The following URB1 variants were observed in gnomAD, a reference collection of about 807,000 sequenced individuals.
URB1 encodes nucleolar pre-ribosomal-associated protein 1.
A neutral mutation model predicts 242.3 loss-of-function variants in URB1; 197 were observed. The observed-to-expected ratio is 0.81, with a 90% CI of 0.72 to 0.91. The LOEUF is 0.91. URB1 is among the 40% of genes least tolerant of loss of function. The pLI is 0.00. For missense variants in URB1, 2,721 were observed against 2,860.5 expected (o/e 0.95, Z 1.11); for synonymous variants, 1,153 against 1,201.8 (o/e 0.96, Z 0.84).
rs1362741411 is a variant in URB1 at position 32,311,617 on chromosome 21, C to T, written c.*3301G>A. The T allele has an allele frequency of 2.6e-6, 4 of 1,564,124 alleles. No individual in the cohort carries two copies. In the African/African-American group the frequency reaches 4.1e-5, roughly 16 times the overall value. ...ATGGCAGGTGTGGCAGGAAACCCCC[C>T]AGCCCCACAGTATGGACTGTTCTGC... On this transcript the variant is annotated 3_prime_UTR_variant, in exon 39 of 39. Coordinates refer to ENST00000382751, the MANE Select transcript of URB1 (RefSeq NM_014825.3).
chr21:32,362,398 GGTT>G (rs1263755072), intron 11 of URB1, among the ~76,000 whole-genome samples: 2 of 151,974 alleles, frequency 1.3e-5, no homozygotes, highest in Non-Finnish European at 2.9e-5. Flanking sequence ...GTAGAAGCAG[GGTT>G]TCACCATGTT....
intron 18 of URB1, 39 bp downstream of exon 18, chr21:32,353,894 G>C (rs2033187534): frequency 6.5e-7 from 1 of 1,544,398 alleles, no homozygotes; most frequent in East Asian, 2.4e-5. Context: ...AGACTAGCCG[G>C]CCAGGTGCAG....
intron 30 of URB1, among the ~76,000 whole-genome samples, chr21:32,326,421 C>A (rs2032830054): frequency 6.6e-6 from 1 of 152,152 alleles, no homozygotes; most frequent in Non-Finnish European, 1.5e-5. Context: ...GCATTTTAAG[C>A]AGGGACACAG....
In URB1 at chr21:32,321,723, C is replaced by A. The variant is rs984852389; in HGVS notation, c.5484+78G>T. ...GTCCAGGCTGGGAACTGAATTCATA[C>A]GGACTTGACTTCCAGATAAAATCTT... On this transcript the variant is annotated intron_variant, in intron 34 of 38. Transcript: ENST00000382751. The A allele has an allele frequency of 6.6e-6, 10 of 1,526,480 alleles. No homozygotes were observed. The South Asian group carries it at 7.4e-5, about 11-fold the overall frequency. The allele number at this position is 1,526,480 out of a possible 1,614,324, so 94.6% of individuals were successfully genotyped here.
At chr21:32,353,644 T>C (rs550579998) in intron 18 of URB1, among the ~76,000 whole-genome samples, 1 of 152,308 alleles carries the variant, frequency 6.6e-6, no homozygotes, top group South Asian at 2.1e-4. Flanking sequence ...CAAGAATAAA[T>C]GTTGACGAAA....
chr21:32,359,876 C>G lies in URB1; in HGVS notation c.1789G>C (p.Val597Leu). 2 of 1,548,104 alleles carry G rather than the reference C, an allele frequency of 1.3e-6. No individual in the cohort carries two copies. The highest frequency in any genetic ancestry group is 1.7e-6 in the Non-Finnish European group (2 of 1,145,696). Residue 597 changes from valine (V) to leucine (L), a missense_variant, in exon 14 of 39, where the codon GTG becomes CTG. Physicochemically the swap from Val to Leu is conservative, Grantham distance 32. Coordinates refer to ENST00000382751, the MANE Select transcript of URB1 (RefSeq NM_014825.3). Reference protein sequence around the residue: ...VISEQGLREEVPPILQHHMLK... With the variant: ...VISEQGLREELPPILQHHMLK... ...ATGTGGTGCTGCAGAATGGGAGGCA[C>G]CTCCTCTCGAAGGCCCTGCTCAGAG...
At chr21:32,383,985 T>C (rs2033554440) in intron 3 of URB1, among the ~76,000 whole-genome samples, 1 of 152,232 alleles carries the variant, frequency 6.6e-6, no homozygotes, top group African/African-American at 2.4e-5. Flanking sequence ...GGCCCTGTTC[T>C]AGGTGCTGGG....
Position 32,322,468 on chromosome 21 carries a change from G to A in URB1, c.5340+10C>T. On this transcript the variant is annotated intron_variant, in intron 33 of 38. Transcript: ENST00000382751. Reference sequence around the variant, plus strand: ...GCCTGCAGAAAGCCGTGAGGACTCTGGAAGCATACCTCAAAGTCGGAGCTG... The same window carrying A: ...GCCTGCAGAAAGCCGTGAGGACTCTAGAAGCATACCTCAAAGTCGGAGCTG... 2 of 1,550,992 alleles carry A rather than the reference G, an allele frequency of 1.3e-6. No homozygotes were observed. The highest frequency in any genetic ancestry group is 1.7e-6 in the Non-Finnish European group (2 of 1,145,948).
At chr21:32,349,130 C>T (rs1407071238) in intron 21 of URB1, among the ~76,000 whole-genome samples, 174 bp downstream of exon 21, 1 of 152,252 alleles carries the variant, frequency 6.6e-6, no homozygotes, top group African/African-American at 2.4e-5. Flanking sequence ...GAAAGAGAAG[C>T]CCAAATTAAA....
At chr21:32,360,093 TG>T (rs1289638448) in intron 13 of URB1, among the ~76,000 whole-genome samples, 185 bp from the exon 14 acceptor site, 3 of 152,182 alleles carry the variant, frequency 2.0e-5, no homozygotes, top group Non-Finnish European at 4.4e-5. Context: ...CCCCACGCCC[TG>T]GTCTGTCCAA....
chr21:32,319,112 G>A (rs1055604733), intron 36 of URB1, 105 bp downstream of exon 36: 19 of 1,165,128 alleles, frequency 1.6e-5, no homozygotes, highest in East Asian at 1.1e-4. Context: ...ACGGCCCAGC[G>A]TCCCCCTGGT....
In URB1 at chr21:32,311,838, C is replaced by T; in HGVS notation, c.*3080G>A. 1 of 1,614,120 alleles carries T rather than the reference C, an allele frequency of 6.2e-7. No homozygotes were observed. The highest frequency in any genetic ancestry group is 2.2e-5 in the East Asian group (1 of 44,874). On this transcript the variant is annotated 3_prime_UTR_variant, in exon 39 of 39. Coordinates refer to ENST00000382751, the MANE Select transcript of URB1 (RefSeq NM_014825.3). The stretch of plus-strand genomic sequence containing the variant: ...GCCAGGGAGCAGAACTGGCCCTGAC[C>T]AGCCGCTACGACAGGAGAGCTCCTC...
intron 4 of URB1, among the ~76,000 whole-genome samples, chr21:32,379,806 A>G (rs999182444): frequency 3.3e-5 from 5 of 152,268 alleles, no homozygotes; most frequent in African/African-American, 1.2e-4. Context: ...CCCGGCCAAC[A>G]TGGTGAAACC....
chr21:32,316,394 A>G, intron 38 of URB1, 72 bp downstream of exon 38: 3 of 1,449,994 alleles, frequency 2.1e-6, no homozygotes, highest in Non-Finnish European at 2.7e-6. Context: ...TTCTAAGCAC[A>G]GAAATCACTC....
At chr21:32,328,994 C>T (rs1236940136) in intron 30 of URB1, among the ~76,000 whole-genome samples, 1 of 152,120 alleles carries the variant, frequency 6.6e-6, no homozygotes, top group East Asian at 1.9e-4. Context: ...GGTGTAATGG[C>T]TCACCCAGCC....
At chr21:32,386,696 A>G (rs1568835328) in intron 1 of URB1, among the ~76,000 whole-genome samples, 1 of 152,196 alleles carries the variant, frequency 6.6e-6, no homozygotes. Flanking sequence ...AACCATATAG[A>G]GCATGGTAAC....
chr21:32,311,473 C>A lies in URB1; in HGVS notation c.*3445G>T. On this transcript the variant is annotated 3_prime_UTR_variant, in exon 39 of 39. Coordinates refer to ENST00000382751, the MANE Select transcript of URB1 (RefSeq NM_014825.3). Reference sequence around the variant, plus strand: ...TGGCCTCCAGGGAAAGACCTGAGGCCTAGTTCCTGACAAAGCACTTCCTCT... The same window carrying A: ...TGGCCTCCAGGGAAAGACCTGAGGCATAGTTCCTGACAAAGCACTTCCTCT... 1 of 464,144 alleles carries A rather than the reference C, an allele frequency of 2.2e-6. No individual in the cohort carries two copies. The highest frequency in any genetic ancestry group is 3.6e-6 in the Non-Finnish European group (1 of 275,146). The allele number at this position is 464,144 out of a possible 1,614,324, so 28.8% of individuals were successfully genotyped here.
intron 12 of URB1, among the ~76,000 whole-genome samples, chr21:32,361,524 A>G (rs1354317246): frequency 2.6e-5 from 4 of 152,182 alleles, no homozygotes; most frequent in South Asian, 4.1e-4. Flanking sequence ...CGATACAGAC[A>G]TAAGACACAA....
At chr21:32,328,323 A>G (rs2032854125) in intron 30 of URB1, among the ~76,000 whole-genome samples, 1 of 152,162 alleles carries the variant, frequency 6.6e-6, no homozygotes, top group African/African-American at 2.4e-5. Context: ...TTTTTAGTAG[A>G]GACGGGGTTT....
Sources: gnomAD v4.1 joint callset for allele counts (sites outside exome capture counted in the v4.1 genomes callset) on GRCh38, gnomAD v4.1.1 for gene constraint, MANE v1.5 for transcripts, NCBI Gene and HGNC (gene_info 2026-07-23, HGNC 2026-07-21) for gene names.